Variants in TREM1 observed in about 807,000 individuals in gnomAD.
TREM1 encodes the protein triggering receptor expressed on myeloid cells 1.
Under a neutral mutation model 22.4 loss-of-function variants are expected in TREM1, and 16 were observed. That is an observed-to-expected ratio of 0.71 (90% CI 0.48 to 1.08). TREM1 has a LOEUF of 1.08. Among genes scored for constraint, TREM1 ranks in the 50% least tolerant of loss-of-function variants. The pLI, the probability that TREM1 is intolerant of heterozygous loss-of-function variation, is 0.00. For missense variants in TREM1, 283 were observed against 282.9 expected, an observed-to-expected ratio of 1.00 and a Z score of 0.00; for synonymous variants, 110 against 111.6, an observed-to-expected ratio of 0.99 and a Z score of 0.09.
At position 41,276,250 on chromosome 6, in the gene TREM1, G is replaced by A; in HGVS notation, c.600-20C>T. 2 of 1,588,334 alleles carry A rather than the reference G, an allele frequency of 1.3e-6. No homozygotes were observed. Among genetic ancestry groups the A allele is most frequent in the Admixed American group, 1.7e-5 (1 of 59,934 alleles). ...GGAACCCTGCGGGAGACAAGAGGCT[G>A]AACGCTACTGCTGGCAAAGTCTCTC... is the stretch of plus-strand genomic sequence containing the variant. On this transcript the variant is annotated intron_variant, in intron 3 of 3. Coordinates refer to ENST00000244709, the MANE Select transcript of TREM1 (RefSeq NM_018643.5).
chr6:41,277,452 C>A (rs1244306850), intron 3 of TREM1, among the ~76,000 whole-genome samples: 3 of 152,196 alleles, frequency 2.0e-5, no homozygotes, highest in African/African-American at 7.2e-5. Context: ...GCATCCTCAG[C>A]ATCTGCCCCG....
At chr6:41,270,961 C>T (rs981670561), downstream of TREM1, among the ~76,000 whole-genome samples, 2 of 152,194 alleles carry the variant, frequency 1.3e-5, no homozygotes, top group African/African-American at 4.8e-5. Context: ...TCACCTCAGC[C>T]TCCCAAAGTG....
chr6:41,282,889 A>G (rs1767995918), intron 1 of TREM1, 138 bp from the exon 2 acceptor site: 2 of 780,652 alleles, frequency 2.6e-6, no homozygotes, highest in South Asian at 3.4e-5. Flanking sequence ...TCCAGAGAAA[A>G]TACAACTTGC....
intron 3 of TREM1, among the ~76,000 whole-genome samples, chr6:41,278,656 C>CAA (rs555179629): frequency 1.0e-4 from 14 of 134,912 alleles, no homozygotes; most frequent in East Asian, 4.2e-4. Context: ...GACCGTGTCT[C>CAA]AAAAAAAAAA....
intron 1 of TREM1, among the ~76,000 whole-genome samples, chr6:41,284,586 C>A (rs1455394517): frequency 6.6e-6 from 1 of 152,158 alleles, no homozygotes; most frequent in Admixed American, 6.5e-5. Flanking sequence ...CCCCATGGAG[C>A]ACCAAATAAC....
At chr6:41,283,494 G>C (rs192162473) in intron 1 of TREM1, among the ~76,000 whole-genome samples, 1 of 152,136 alleles carries the variant, frequency 6.6e-6, no homozygotes, top group South Asian at 2.1e-4. Context: ...CAGATCACCT[G>C]AGGTCGGGAG....
Position 41,273,891 on chromosome 6 carries a change from C to G in TREM1, c.*2234G>C, listed in dbSNP as rs982535548. On this transcript the variant is annotated 3_prime_UTR_variant, in exon 4 of 4. Transcript: ENST00000244709. ...GACTGTCTCCCCACCCTCGGCTCTC[C>G]TCTCATGCTTCCCATTGGCTCAACC... is the stretch of plus-strand genomic sequence containing the variant. Among the ~76,000 whole-genome samples, 16 of 152,230 alleles carry G rather than the reference C, an allele frequency of 1.1e-4. No homozygotes were observed. Among genetic ancestry groups the G allele is most frequent in the Admixed American group, 9.8e-4 (15 of 15,288 alleles).
chr6:41,270,867 A>T (rs532322441), downstream of TREM1, among the ~76,000 whole-genome samples: 1 of 152,068 alleles, frequency 6.6e-6, no homozygotes, highest in Admixed American at 6.5e-5. Flanking sequence ...CACCATGTCC[A>T]GCTAACTTTT....
downstream of TREM1, among the ~76,000 whole-genome samples, chr6:41,267,401 G>A (rs2113965023): frequency 6.6e-6 from 1 of 152,268 alleles, no homozygotes; most frequent in South Asian, 2.1e-4. Flanking sequence ...AGAAGTTTCA[G>A]TTTAATTGCA....
chr6:41,276,118 C>T lies in TREM1; in HGVS notation c.*7G>A, dbSNP rs554081681. On this transcript the variant is annotated 3_prime_UTR_variant, in exon 4 of 4. Transcript: ENST00000244709. The stretch of plus-strand genomic sequence containing the variant: ...AAGTCAGAGGACATTCTCGTGGGTT[C>T]GTGGGCCTAGGGTACAAATGACCTC... 38 of 1,611,806 alleles carry T rather than the reference C, an allele frequency of 2.4e-5. No individual in the cohort carries two copies. The East Asian group carries it at 6.0e-4, about 26-fold the overall frequency.
At chr6:41,269,816 G>A (rs1370001851), downstream of TREM1, 1 of 152,290 alleles carries the variant, frequency 6.6e-6, no homozygotes, top group African/African-American at 2.4e-5. Flanking sequence ...ATGGGGTCCA[G>A]CTCATTGGCT....
downstream of TREM1, among the ~76,000 whole-genome samples, chr6:41,270,439 A>ATT (rs1767445202): frequency 1.6e-4 from 12 of 76,826 alleles, no homozygotes; most frequent in African/African-American, 7.0e-4. Flanking sequence ...TATATATGAT[A>ATT]TTATATAATA....
chr6:41,284,331 G>C (rs913151529), intron 1 of TREM1, among the ~76,000 whole-genome samples: 2 of 152,170 alleles, frequency 1.3e-5, no homozygotes, highest in African/African-American at 4.8e-5. Flanking sequence ...AATGTCAATA[G>C]TGCCATGTTT....
downstream of TREM1, among the ~76,000 whole-genome samples, chr6:41,269,630 C>T (rs1434757063): frequency 6.6e-6 from 1 of 152,144 alleles, no homozygotes; most frequent in Non-Finnish European, 1.5e-5. Context: ...TTTATATTAC[C>T]TAGTCCAACA....
intron 3 of TREM1, chr6:41,280,535 T>C (rs755315874): frequency 2.6e-5 from 28 of 1,089,506 alleles, no homozygotes; most frequent in Non-Finnish European, 3.1e-5. Flanking sequence ...CCATGCCTAC[T>C]GAATTGTCAA....
chr6:41,274,455 G>C lies in TREM1; in HGVS notation c.*1670C>G, dbSNP rs573267286. ...ACTTCATAAACAGGAACAATGCTGG[G>C]ATTGCTAAAGTGTGGGGTTCCAGAC... On this transcript the variant is annotated 3_prime_UTR_variant, in exon 4 of 4. Transcript: ENST00000244709. 1.3e-5 allele frequency among the ~76,000 whole-genome samples: 2 copies of C among 152,238 alleles called. No individual in the cohort carries two copies. Among genetic ancestry groups the C allele is most frequent in the African/African-American group, 4.8e-5 (2 of 41,532 alleles).
chr6:41,271,589 G>C (rs999134739), downstream of TREM1, among the ~76,000 whole-genome samples: 1 of 152,186 alleles, frequency 6.6e-6, no homozygotes, highest in African/African-American at 2.4e-5. Context: ...TTTAAGGGGA[G>C]ACTCTGTCTC....
At chr6:41,272,236 C>T (rs1273731680), downstream of TREM1, among the ~76,000 whole-genome samples, 1 of 152,134 alleles carries the variant, frequency 6.6e-6, no homozygotes, top group Non-Finnish European at 1.5e-5. Flanking sequence ...GATGGGAACA[C>T]TCAGTTGCTT....
chr6:41,277,372 G>A (rs1327077607), intron 3 of TREM1, among the ~76,000 whole-genome samples: 4 of 152,018 alleles, frequency 2.6e-5, no homozygotes, highest in African/African-American at 7.3e-5. Context: ...GGCAGGGATG[G>A]GGCAGAGAGA....
Sources: allele counts gnomAD v4.1 joint callset (sites outside exome capture counted in the v4.1 genomes callset), GRCh38; gene constraint gnomAD v4.1.1; transcripts MANE v1.5; gene names NCBI Gene and HGNC (gene_info 2026-07-23, HGNC 2026-07-21).